The following TM9SF2 variants were observed in gnomAD, a reference collection of about 807,000 sequenced individuals.
TM9SF2 encodes the protein 76 kDa membrane protein.
In TM9SF2, 13 loss-of-function variants were observed where a neutral mutation model predicts 84.9. That is an observed-to-expected ratio of 0.15 (90% CI 0.10 to 0.24). TM9SF2 has a LOEUF of 0.24. Among genes scored for constraint, TM9SF2 ranks in the 10% least tolerant of loss-of-function variants. The pLI is 1.00. For synonymous variants in TM9SF2, 273 were observed against 285.8 expected (o/e 0.96, Z 0.45); for missense variants, 562 against 818.5 (o/e 0.69, Z 3.82).
In TM9SF2 at chr13:99,554,363, C is replaced by A; in HGVS notation, c.1548C>A (p.Phe516Leu). ...CACGTCAGATTCCTGAACAGTCGTT[C>A]TACACGAAGCCCTTGCCTGGTATTA... ...QIPRQIPEQS[F>L]YTKPLPGIIM... Residue 516 changes from phenylalanine to leucine, a missense_variant, in exon 14 of 17, where the codon TTC (phenylalanine) becomes TTA (leucine). Phe to Leu is a conservative substitution (Grantham distance 22, BLOSUM62 0). Transcript: ENST00000376387. 1 of 1,614,200 alleles carries A rather than the reference C, an allele frequency of 6.2e-7. No individual in the cohort carries two copies. Among genetic ancestry groups the A allele is most frequent in the Non-Finnish European group, 8.5e-7 (1 of 1,180,028 alleles).
At position 99,539,472 on chromosome 13, in the gene TM9SF2, C is replaced by A. The variant is rs1204245920; in HGVS notation, c.743C>A (p.Pro248Gln). Reference protein sequence around the residue: ...KSFKHTHIDKPDCSGPPMDIS... With the variant: ...KSFKHTHIDKQDCSGPPMDIS... ...TTCAAACATACCCATATAGATAAAC[C>A]AGACTGCTCAGGGCCCCCCATGGAC... Residue 248 changes from proline (P) to glutamine (Q), a missense_variant, in exon 7 of 17, where the codon CCA becomes CAA. Coordinates refer to ENST00000376387, the MANE Select transcript of TM9SF2 (RefSeq NM_004800.3). 14 of 1,613,580 alleles carry A rather than the reference C, an allele frequency of 8.7e-6. No individual in the cohort carries two copies. Among genetic ancestry groups the A allele is most frequent in the Non-Finnish European group, 1.2e-5 (14 of 1,179,598 alleles).
rs1259331012 is a variant in TM9SF2 at position 99,520,026 on chromosome 13, C to T, written c.240-10C>T. ...TTTTATGTGTAAAAATTTAAATATT[C>T]TTCTCCCAGGTTTGATTTTTGCCAA... On this transcript the variant is annotated splice_polypyrimidine_tract_variant and intron_variant, in intron 2 of 16. Coordinates refer to ENST00000376387, the MANE Select transcript of TM9SF2 (RefSeq NM_004800.3). The T allele has an allele frequency of 6.2e-7, 1 of 1,610,222 alleles. No individual in the cohort carries two copies. The highest frequency in any genetic ancestry group is 2.2e-5 in the East Asian group (1 of 44,796).
At chr13:99,523,191 A>T (rs1258674167) in intron 3 of TM9SF2, among the ~76,000 whole-genome samples, 1 of 151,912 alleles carries the variant, frequency 6.6e-6, no homozygotes, top group Non-Finnish European at 1.5e-5. Context: ...TTCTTTTTTG[A>T]GTCTCACGCT....
rs759443582 is a variant in TM9SF2 at position 99,547,036 on chromosome 13, C to T, written c.1202C>T (p.Thr401Met). 6.2e-6 allele frequency: 10 copies of T among 1,614,052 alleles called. No individual in the cohort carries two copies. The highest frequency in any genetic ancestry group is 3.3e-5 in the Admixed American group (2 of 60,010). The change falls in exon 11 of 17, where the codon ACG becomes ATG. Residue 401 changes from threonine to methionine, a missense_variant. Transcript: ENST00000376387. Reference protein sequence around the residue: ...LSPANRGALMTCAVVLWVLLG... With the variant: ...LSPANRGALMMCAVVLWVLLG... ...CCTGCCAACCGAGGAGCGCTGATGA[C>T]GTGTGCTGTGGTCCTGTGGGTGCTG... is the stretch of plus-strand genomic sequence containing the variant.
intron 3 of TM9SF2, among the ~76,000 whole-genome samples, chr13:99,524,140 GT>G (rs1338453203): frequency 1.3e-5 from 2 of 152,218 alleles, no homozygotes; most frequent in African/African-American, 2.4e-5. Context: ...GAGCAAGATG[GT>G]TAGTTAACAC....
chr13:99,546,266 A>C (rs2046282172), intron 10 of TM9SF2, among the ~76,000 whole-genome samples: 1 of 152,218 alleles, frequency 6.6e-6, no homozygotes, highest in Non-Finnish European at 1.5e-5. Context: ...CTCAGTTCTC[A>C]GCAGTATCCT....
intron 3 of TM9SF2, 150 bp from the exon 4 acceptor site, chr13:99,529,317 G>T: frequency 1.8e-6 from 1 of 549,924 alleles, no homozygotes; most frequent in Non-Finnish European, 2.8e-6. Context: ...AAATCTGATT[G>T]AGCTATGAGG....
chr13:99,521,667 G>C (rs9585111), intron 3 of TM9SF2, among the ~76,000 whole-genome samples: 2 of 152,046 alleles, frequency 1.3e-5, no homozygotes, highest in Non-Finnish European at 2.9e-5. Context: ...AAGTTGATTG[G>C]TTTTGACTGT....
intron 8 of TM9SF2, 78 bp from the exon 9 acceptor site, chr13:99,541,481 C>A: frequency 2.0e-6 from 2 of 1,013,906 alleles, no homozygotes; most frequent in Admixed American, 2.2e-5. Context: ...TAATGTTACT[C>A]AATAAACAGT....
At chr13:99,541,326 A>T (rs9582320) in intron 8 of TM9SF2, among the ~76,000 whole-genome samples, 1 of 152,228 alleles carries the variant, frequency 6.6e-6, no homozygotes, top group South Asian at 2.1e-4. Flanking sequence ...GTACCAAAAA[A>T]TTCTAGTTCT....
chr13:99,507,914 G>A (rs542570748), intron 1 of TM9SF2, among the ~76,000 whole-genome samples: 2 of 152,242 alleles, frequency 1.3e-5, no homozygotes, highest in South Asian at 4.1e-4. Flanking sequence ...AAGCAGAAAC[G>A]AACTAGGAAA....
intron 1 of TM9SF2, among the ~76,000 whole-genome samples, chr13:99,516,922 G>C (rs914769799): frequency 3.3e-5 from 5 of 152,070 alleles, no homozygotes; most frequent in African/African-American, 1.2e-4. Flanking sequence ...AAAAAAATTT[G>C]TTTAAAAATT....
At chr13:99,513,039 G>A (rs1318476435) in intron 1 of TM9SF2, among the ~76,000 whole-genome samples, 1 of 152,164 alleles carries the variant, frequency 6.6e-6, no homozygotes, top group Non-Finnish European at 1.5e-5. Flanking sequence ...TTTGCTCAAG[G>A]ACAAATTGAG....
chr13:99,534,090 A>G (rs2046223283), intron 4 of TM9SF2, among the ~76,000 whole-genome samples: 1 of 152,186 alleles, frequency 6.6e-6, no homozygotes, highest in Admixed American at 6.5e-5. Context: ...CCAGCACTGG[A>G]CACTTAAAAC....
intron 1 of TM9SF2, 96 bp downstream of exon 1, chr13:99,501,873 G>C: frequency 1.3e-6 from 2 of 1,501,858 alleles, no homozygotes; most frequent in South Asian, 2.4e-5. Context: ...GAGGGAAGGG[G>C]GCGTAGCAGC....
chr13:99,542,878 C>T (rs1012861574), intron 9 of TM9SF2, among the ~76,000 whole-genome samples: 3 of 152,244 alleles, frequency 2.0e-5, no homozygotes, highest in African/African-American at 7.2e-5. Flanking sequence ...CATCTCTTAG[C>T]ACAGCAGTCA....
intron 1 of TM9SF2, among the ~76,000 whole-genome samples, chr13:99,507,533 A>T (rs536193751): frequency 6.6e-6 from 1 of 152,308 alleles, no homozygotes; most frequent in South Asian, 2.1e-4. Flanking sequence ...TGTATTTTTC[A>T]GGGCTTTGGG....
intron 1 of TM9SF2, among the ~76,000 whole-genome samples, chr13:99,502,421 A>G (rs1348142631): frequency 6.6e-6 from 1 of 152,178 alleles, no homozygotes; most frequent in Non-Finnish European, 1.5e-5. Context: ...GAGGCACTTG[A>G]TTTCTGAGTT....
At chr13:99,550,161 C>T (rs1031900370) in intron 12 of TM9SF2, among the ~76,000 whole-genome samples, 1 of 152,164 alleles carries the variant, frequency 6.6e-6, no homozygotes, top group African/African-American at 2.4e-5. Context: ...CTCACATGTT[C>T]TGCTTATGTG....
Sources: gnomAD v4.1 joint callset for allele counts (sites outside exome capture counted in the v4.1 genomes callset) on GRCh38, gnomAD v4.1.1 for gene constraint, MANE v1.5 for transcripts, NCBI Gene and HGNC (gene_info 2026-07-23, HGNC 2026-07-21) for gene names.